The following CCDC148 variants were observed in gnomAD, a reference collection of about 807,000 sequenced individuals.
The protein encoded by CCDC148 is coiled-coil domain containing 148, also known as coiled-coil domain-containing protein 148.
Under a neutral mutation model 85.7 loss-of-function variants are expected in CCDC148, and 89 were observed. The observed-to-expected ratio is 1.04, with a 90% CI of 0.87 to 1.24. CCDC148 has a LOEUF of 1.24. Among genes scored for constraint, CCDC148 ranks in the 50% most tolerant of loss-of-function variants. The pLI is 0.00. For missense variants in CCDC148, 692 were observed against 671.7 expected, an observed-to-expected ratio of 1.03 and a Z score of -0.33; for synonymous variants, 230 against 213.9, an observed-to-expected ratio of 1.08 and a Z score of -0.66.
chr2:158,431,590 G>T (rs953580113), intron 1 of CCDC148, among the ~76,000 whole-genome samples: 1 of 151,780 alleles, frequency 6.6e-6, no homozygotes, highest in African/African-American at 2.4e-5. Context: ...CAAAAGAGAA[G>T]AGATTTTTAG....
chr2:158,353,184 C>A (rs1245262796), intron 2 of CCDC148, among the ~76,000 whole-genome samples: 2 of 111,686 alleles, frequency 1.8e-5, no homozygotes, highest in Admixed American at 9.3e-5. Flanking sequence ...AGCAAAATCA[C>A]CAGCTAACAT....
intron 1 of CCDC148, among the ~76,000 whole-genome samples, chr2:158,450,938 G>A (rs1688381727): frequency 6.6e-6 from 1 of 151,888 alleles, no homozygotes; most frequent in African/African-American, 2.4e-5. Context: ...GCATAAATTG[G>A]TATACTTCGA....
rs779765881 is a variant in CCDC148 at position 158,339,008 on chromosome 2, A to C, written c.564T>G (p.Leu188=). Residue 188 remains leucine (L), a synonymous_variant, in exon 6 of 14, where the codon CTT becomes CTG. Transcript: ENST00000283233. ...CACTTACCTTTATACTCCAGTCTGAAAGATCATTTTCTATTCTCTGTTGCT... is the reference window on the plus strand; with the variant it reads ...CACTTACCTTTATACTCCAGTCTGACAGATCATTTTCTATTCTCTGTTGCT... ...RLEQQRIEND[L]SDWSIKILDH... The C allele has an allele frequency of 6.2e-7, 1 of 1,613,640 alleles. No individual in the cohort carries two copies. The highest frequency in any genetic ancestry group is 1.1e-5 in the South Asian group (1 of 91,044).
At chr2:158,224,588 A>T (rs1687390649) in intron 10 of CCDC148, among the ~76,000 whole-genome samples, 1 of 152,246 alleles carries the variant, frequency 6.6e-6, no homozygotes, top group Non-Finnish European at 1.5e-5. Context: ...GAAGCCCATA[A>T]GACTAACAGC....
intron 10 of CCDC148, among the ~76,000 whole-genome samples, chr2:158,244,188 C>A (rs1688471722): frequency 6.6e-6 from 1 of 152,152 alleles, no homozygotes; most frequent in Non-Finnish European, 1.5e-5. Context: ...CTTATGAATT[C>A]CAAAGCCACT....
intron 1 of CCDC148, among the ~76,000 whole-genome samples, chr2:158,384,760 C>T (rs895888889): frequency 6.6e-6 from 1 of 152,110 alleles, no homozygotes; most frequent in African/African-American, 2.4e-5. Context: ...CTCAAATTAT[C>T]CCAAATTTAG....
At chr2:158,297,753 A>C (rs898520657) in intron 9 of CCDC148, among the ~76,000 whole-genome samples, 2 of 152,218 alleles carry the variant, frequency 1.3e-5, no homozygotes, top group Non-Finnish European at 2.9e-5. Context: ...TGTACCACAG[A>C]GCTGGTCTAG....
In CCDC148 at chr2:158,272,955, T is replaced by C. The variant is rs183586803; in HGVS notation, c.1111-22043A>G. 1.0e-3 allele frequency among the ~76,000 whole-genome samples: 157 copies of C among 152,320 alleles called. 1 individual carries two copies. The highest frequency in any genetic ancestry group is 3.5e-3 in the African/African-American group (146 of 41,572). On this transcript the variant is annotated intron_variant, in intron 9 of 13. Coordinates refer to ENST00000283233, the MANE Select transcript of CCDC148 (RefSeq NM_138803.4). ...AACACCACATTGCTCTCTATAAATA[T>C]ATGTAATTATTGTTTGTCAATTTAA...
intron 11 of CCDC148, among the ~76,000 whole-genome samples, chr2:158,212,100 T>G (rs1386709406): frequency 6.6e-6 from 1 of 152,168 alleles, no homozygotes; most frequent in East Asian, 1.9e-4. Context: ...TGCAAAACAT[T>G]TCTAATATAC....
chr2:158,349,224 A>T (rs1055709772), intron 2 of CCDC148, among the ~76,000 whole-genome samples: 2 of 152,090 alleles, frequency 1.3e-5, no homozygotes, highest in African/African-American at 4.8e-5. Flanking sequence ...TTAACATTTT[A>T]TCATTTTATT....
At chr2:158,315,069 G>C (rs1399706268) in intron 7 of CCDC148, among the ~76,000 whole-genome samples, 2 of 152,168 alleles carry the variant, frequency 1.3e-5, no homozygotes, top group African/African-American at 4.8e-5. Context: ...GAGAGTTGGA[G>C]GTTCTACCAG....
At chr2:158,342,178 C>T (rs187129792) in intron 3 of CCDC148, among the ~76,000 whole-genome samples, 11 of 151,404 alleles carry the variant, frequency 7.3e-5, no homozygotes, top group African/African-American at 1.2e-4. Context: ...TACAGGTGCG[C>T]GCCACCATGC....
At chr2:158,236,855 G>C (rs895019971) in intron 10 of CCDC148, among the ~76,000 whole-genome samples, 1 of 152,126 alleles carries the variant, frequency 6.6e-6, no homozygotes, top group African/African-American at 2.4e-5. Flanking sequence ...AAAGAAACTA[G>C]ACAAATTCTC....
At chr2:158,236,327 C>T (rs1013655895) in intron 10 of CCDC148, among the ~76,000 whole-genome samples, 16 of 152,220 alleles carry the variant, frequency 1.1e-4, no homozygotes, top group East Asian at 7.7e-4. Context: ...AGTTATCTCC[C>T]CCTTAATTGA....
At chr2:158,390,245 G>A (rs1327363353) in intron 1 of CCDC148, among the ~76,000 whole-genome samples, 1 of 152,044 alleles carries the variant, frequency 6.6e-6, no homozygotes, top group African/African-American at 2.4e-5. Flanking sequence ...AAGCTGGAAG[G>A]GGATTCTCTG....
chr2:158,333,249 T>C (rs1166364528), intron 7 of CCDC148, among the ~76,000 whole-genome samples: 1 of 152,218 alleles, frequency 6.6e-6, no homozygotes, highest in Admixed American at 6.5e-5. Context: ...TCAAAGAACT[T>C]ATTTATTTCT....
chr2:158,302,524 A>G (rs1184983120), intron 9 of CCDC148, among the ~76,000 whole-genome samples: 1 of 152,166 alleles, frequency 6.6e-6, no homozygotes, highest in Non-Finnish European at 1.5e-5. Context: ...GGTGGCTCAC[A>G]CTGGTAATCC....
intron 1 of CCDC148, chr2:158,365,978 T>C (rs1212214942): frequency 7.2e-7 from 1 of 1,387,206 alleles, no homozygotes; most frequent in East Asian, 2.5e-5. Flanking sequence ...TAATCCACTG[T>C]AAATAATAAA....
intron 1 of CCDC148, among the ~76,000 whole-genome samples, chr2:158,383,983 C>A (rs1684983261): frequency 6.6e-6 from 1 of 152,304 alleles, no homozygotes; most frequent in African/African-American, 2.4e-5. Flanking sequence ...AGGATCTTGA[C>A]ACTTTTGAAG....
Sources: allele counts gnomAD v4.1 joint callset (sites outside exome capture counted in the v4.1 genomes callset), GRCh38; gene constraint gnomAD v4.1.1; transcripts MANE v1.5; gene names NCBI Gene and HGNC (gene_info 2026-07-23, HGNC 2026-07-21).